GRXCR1: variants seen among roughly 807,000 people sequenced by gnomAD.
The protein encoded by GRXCR1 is glutaredoxin domain-containing cysteine-rich protein 1.
A neutral mutation model predicts 27.3 loss-of-function variants in GRXCR1; 27 were observed. That is an observed-to-expected ratio of 0.99 (90% CI 0.73 to 1.37). GRXCR1 has a LOEUF of 1.37. Ranked by LOEUF, GRXCR1 falls within the 40% of genes most tolerant of loss-of-function variation. The pLI, the probability that GRXCR1 is intolerant of heterozygous loss-of-function variation, is 0.00. For missense variants in GRXCR1, 379 were observed against 354.4 expected, an observed-to-expected ratio of 1.07 and a Z score of -0.56; for synonymous variants, 122 against 131.1, an observed-to-expected ratio of 0.93 and a Z score of 0.47.
chr4:43,028,368 C>A (rs114433149), intron 3 of GRXCR1, among the ~76,000 whole-genome samples: 221 of 152,200 alleles, frequency 1.5e-3, no homozygotes, highest in Middle Eastern at 3.4e-3. Flanking sequence ...TTTAACTGAG[C>A]GTCCTGTATT....
intron 1 of GRXCR1, among the ~76,000 whole-genome samples, chr4:42,932,619 TAGAGAG>T (rs762758381): frequency 0.033 from 748 of 22,484 alleles, 24 homozygotes; most frequent in Non-Finnish European, 0.038. Context: ...TATATATATA[TAGAGAG>T]AGAGAGAGAG....
At chr4:42,922,233 A>G (rs1747031082) in intron 1 of GRXCR1, among the ~76,000 whole-genome samples, 1 of 152,100 alleles carries the variant, frequency 6.6e-6, no homozygotes, top group African/African-American at 2.4e-5. Context: ...GCATGGTGGC[A>G]TGGGATACAC....
intron 2 of GRXCR1, among the ~76,000 whole-genome samples, chr4:42,990,735 T>A (rs1314786260): frequency 2.0e-5 from 3 of 152,116 alleles, no homozygotes; most frequent in Admixed American, 2.0e-4. Flanking sequence ...TGCCTATTAA[T>A]TGGAATTTAT....
chr4:42,900,727 A>T (rs914186993), intron 1 of GRXCR1, among the ~76,000 whole-genome samples: 1 of 152,076 alleles, frequency 6.6e-6, no homozygotes, highest in African/African-American at 2.4e-5. Context: ...AAATGAATGG[A>T]GACTAACGAG....
At chr4:42,943,283 T>C (rs1747664960) in intron 1 of GRXCR1, among the ~76,000 whole-genome samples, 1 of 152,040 alleles carries the variant, frequency 6.6e-6, no homozygotes, top group Non-Finnish European at 1.5e-5. Context: ...TGAAAGAAAA[T>C]TTGTGTATAT....
intron 1 of GRXCR1, among the ~76,000 whole-genome samples, chr4:42,899,224 C>A (rs764644296): frequency 7.2e-5 from 11 of 152,058 alleles, no homozygotes; most frequent in Non-Finnish European, 1.6e-4. Flanking sequence ...GTTTGCATGG[C>A]GAAGTGTTGC....
At chr4:42,989,094 G>A (rs1009607481) in intron 2 of GRXCR1, among the ~76,000 whole-genome samples, 1 of 152,172 alleles carries the variant, frequency 6.6e-6, no homozygotes, top group African/African-American at 2.4e-5. Context: ...AAGATATCAG[G>A]AAACACACTT....
intron 2 of GRXCR1, among the ~76,000 whole-genome samples, chr4:42,967,619 G>A (rs1748278862): frequency 6.6e-6 from 1 of 151,908 alleles, no homozygotes; most frequent in Non-Finnish European, 1.5e-5. Context: ...TTTTAGTCAT[G>A]TTTTTCTATT....
intron 2 of GRXCR1, among the ~76,000 whole-genome samples, chr4:42,979,043 C>T (rs1366392990): frequency 6.6e-6 from 1 of 151,932 alleles, no homozygotes; most frequent in Non-Finnish European, 1.5e-5. Context: ...CTGAGGCCTC[C>T]CTAGCCATAC....
At chr4:42,895,536 G>C (rs1316362477) in intron 1 of GRXCR1, among the ~76,000 whole-genome samples, 1 of 152,044 alleles carries the variant, frequency 6.6e-6, no homozygotes, top group Non-Finnish European at 1.5e-5. Flanking sequence ...AATGTTCTCT[G>C]GTATCTCCAG....
At chr4:42,934,489 C>G (rs908535819) in intron 1 of GRXCR1, among the ~76,000 whole-genome samples, 6 of 151,550 alleles carry the variant, frequency 4.0e-5, no homozygotes, top group African/African-American at 1.5e-4. Flanking sequence ...TAATATAATT[C>G]CATGTGAATT....
In GRXCR1 at chr4:42,903,581, G is replaced by T. The variant is rs1380470243; in HGVS notation, c.384+9931G>T. Among the ~76,000 whole-genome samples the T allele has an allele frequency of 4.7e-5, 7 of 147,424 alleles. 1 individual carries two copies. The Admixed American group carries it at 5.0e-4, about 10-fold the overall frequency. On this transcript the variant is annotated intron_variant, in intron 1 of 3. Coordinates refer to ENST00000399770, the MANE Select transcript of GRXCR1 (RefSeq NM_001080476.3). ...CCCGCCTTGGCCTCCCAGAGTGCTG[G>T]GATAGATATTCTTAATCACAGCTTT...
chr4:42,915,647 C>T (rs903525481), intron 1 of GRXCR1, among the ~76,000 whole-genome samples: 7 of 152,018 alleles, frequency 4.6e-5, no homozygotes, highest in South Asian at 2.1e-4. Flanking sequence ...TGACACGTCT[C>T]ATATAAGCTG....
intron 1 of GRXCR1, among the ~76,000 whole-genome samples, chr4:42,917,805 T>C (rs1235393262): frequency 6.6e-6 from 1 of 151,918 alleles, no homozygotes; most frequent in Non-Finnish European, 1.5e-5. Context: ...AAGATAAAAA[T>C]TAGACAATTA....
chr4:42,985,213 C>G (rs953306226), intron 2 of GRXCR1, among the ~76,000 whole-genome samples: 1 of 152,222 alleles, frequency 6.6e-6, no homozygotes, highest in South Asian at 2.1e-4. Context: ...CCGGAAAGTC[C>G]TCTTCTGCCA....
intron 2 of GRXCR1, among the ~76,000 whole-genome samples, chr4:42,984,215 A>G (rs1711602671): frequency 1.3e-5 from 2 of 152,138 alleles, no homozygotes; most frequent in African/African-American, 4.8e-5. Flanking sequence ...TGTATTTTTC[A>G]ACACCAGGGT....
intron 1 of GRXCR1, among the ~76,000 whole-genome samples, chr4:42,895,689 G>A (rs1487597040): frequency 1.3e-5 from 2 of 152,092 alleles, no homozygotes; most frequent in African/African-American, 4.8e-5. Context: ...ATTATGTAGA[G>A]ATCTGATTTG....
chr4:42,934,678 T>G (rs1385216039), intron 1 of GRXCR1, among the ~76,000 whole-genome samples: 1 of 151,982 alleles, frequency 6.6e-6, no homozygotes, highest in Non-Finnish European at 1.5e-5. Context: ...TACTTTCACT[T>G]ATCTGTTATC....
At chr4:42,957,036 C>G (rs1376437983) in intron 1 of GRXCR1, among the ~76,000 whole-genome samples, 1 of 152,000 alleles carries the variant, frequency 6.6e-6, no homozygotes, top group Non-Finnish European at 1.5e-5. Context: ...TCTTGTGTAT[C>G]AAGAAATAAC....
Sources: gnomAD v4.1 joint callset for allele counts (sites outside exome capture counted in the v4.1 genomes callset) on GRCh38, gnomAD v4.1.1 for gene constraint, MANE v1.5 for transcripts, NCBI Gene and HGNC (gene_info 2026-07-23, HGNC 2026-07-21) for gene names.